Variants in CNTNAP2 observed in about 807,000 individuals in gnomAD.
CNTNAP2 encodes contactin associated protein 2, also known as contactin-associated protein-like 2.
In CNTNAP2, 98 loss-of-function variants were observed where a neutral mutation model predicts 155.2. The observed-to-expected ratio is 0.63, with a 90% confidence interval of 0.54 to 0.75. The LOEUF (loss-of-function observed/expected upper bound fraction) is 0.75. CNTNAP2 is among the 30% of genes least tolerant of loss of function. The probability of loss-of-function intolerance (pLI) is 0.00; values close to 1 mark genes in which losing one functional copy is unlikely to be tolerated. For synonymous variants in CNTNAP2, 651 were observed against 631.2 expected (o/e 1.03, Z -0.47); for missense variants, 1,727 against 1,688.1 (o/e 1.02, Z -0.40).
chr7:148,273,508 C>T (rs920125507), intron 21 of CNTNAP2, among the ~76,000 whole-genome samples: 3 of 152,140 alleles, frequency 2.0e-5, no homozygotes, highest in Admixed American at 6.5e-5. Flanking sequence ...TTTAATTAAT[C>T]GTTTTTCAAA....
intron 15 of CNTNAP2, among the ~76,000 whole-genome samples, chr7:148,029,932 A>G (rs1279982611): frequency 6.6e-6 from 1 of 152,180 alleles, no homozygotes; most frequent in African/African-American, 2.4e-5. Context: ...GAACAGGGAG[A>G]TGTTCTAAGT....
chr7:146,697,332 G>C (rs2129172567), intron 1 of CNTNAP2, among the ~76,000 whole-genome samples: 1 of 152,006 alleles, frequency 6.6e-6, no homozygotes, highest in South Asian at 2.1e-4. Flanking sequence ...CTGTCTCCTG[G>C]GCTCAAACAA....
At chr7:146,400,503 C>T (rs1277762036) in intron 1 of CNTNAP2, among the ~76,000 whole-genome samples, 2 of 152,242 alleles carry the variant, frequency 1.3e-5, no homozygotes, top group African/African-American at 2.4e-5. Flanking sequence ...AAGGCTGTCA[C>T]ATAACTAGAC....
At chr7:146,860,704 A>G (rs949209664) in intron 3 of CNTNAP2, among the ~76,000 whole-genome samples, 1 of 152,156 alleles carries the variant, frequency 6.6e-6, no homozygotes, top group African/African-American at 2.4e-5. Context: ...ATCTACATTC[A>G]TTTAAAGTAT....
chr7:146,881,990 G>A (rs891883247), intron 3 of CNTNAP2, among the ~76,000 whole-genome samples: 1 of 151,832 alleles, frequency 6.6e-6, no homozygotes, highest in African/African-American at 2.4e-5. Context: ...CTGGTCTCTA[G>A]TGTCTGTTGT....
intron 1 of CNTNAP2, among the ~76,000 whole-genome samples, chr7:146,524,518 T>C (rs1162775281): frequency 3.3e-5 from 5 of 152,160 alleles, no homozygotes; most frequent in Non-Finnish European, 4.4e-5. Flanking sequence ...TTGACCACGA[T>C]TGTATCTGAT....
At chr7:147,983,704 G>C (rs1338505570) in intron 15 of CNTNAP2, among the ~76,000 whole-genome samples, 1 of 152,218 alleles carries the variant, frequency 6.6e-6, no homozygotes, top group African/African-American at 2.4e-5. Context: ...AAATGTTCTG[G>C]TTGGAGATTG....
At chr7:146,431,482 T>A (rs1796171770) in intron 1 of CNTNAP2, among the ~76,000 whole-genome samples, 1 of 152,104 alleles carries the variant, frequency 6.6e-6, no homozygotes, top group African/African-American at 2.4e-5. Flanking sequence ...TTGCTTTAGT[T>A]ATTCTTCATA....
intron 21 of CNTNAP2, among the ~76,000 whole-genome samples, chr7:148,379,927 C>T (rs893637135): frequency 3.8e-4 from 58 of 152,160 alleles, no homozygotes; most frequent in African/African-American, 1.3e-3. Flanking sequence ...GAACAAGGAG[C>T]GGGAAAGCAT....
At chr7:148,052,417 A>G (rs4726918) in intron 15 of CNTNAP2, among the ~76,000 whole-genome samples, 94,048 of 149,958 alleles carry the variant, frequency 0.63, 29,948 homozygotes, top group East Asian at 0.85. Flanking sequence ...AAGTGTTTCC[A>G]ATCAAAGAAA....
At position 147,665,855 on chromosome 7, in the gene CNTNAP2, C is replaced by A. The variant is rs189232307; in HGVS notation, c.2098+26549C>A. ...CATGGTGTATATGTACCACATTTTC[C>A]TTAGTCAGTCTATTATTGATGGGCA... is the stretch of plus-strand genomic sequence containing the variant. On this transcript the variant is annotated intron_variant, in intron 13 of 23. Transcript: ENST00000361727. 2.2e-3 allele frequency among the ~76,000 whole-genome samples: 336 copies of A among 152,206 alleles called. 1 individual carries two copies. Among genetic ancestry groups the A allele is most frequent in the African/African-American group, 7.7e-3 (319 of 41,520 alleles).
At chr7:147,784,711 A>T (rs1015934285) in intron 13 of CNTNAP2, among the ~76,000 whole-genome samples, 2 of 150,402 alleles carry the variant, frequency 1.3e-5, no homozygotes, top group African/African-American at 4.9e-5. Context: ...GTGTTTTTTT[A>T]TATATATAAA....
At chr7:148,329,150 A>C (rs1021100305) in intron 21 of CNTNAP2, among the ~76,000 whole-genome samples, 1 of 152,100 alleles carries the variant, frequency 6.6e-6, no homozygotes, top group Non-Finnish European at 1.5e-5. Flanking sequence ...AGGACCACAG[A>C]TTCTGTCTGA....
chr7:147,380,532 G>C (rs1796517657), intron 9 of CNTNAP2, among the ~76,000 whole-genome samples: 2 of 151,876 alleles, frequency 1.3e-5, no homozygotes, highest in African/African-American at 4.8e-5. Flanking sequence ...GCAGTCACAG[G>C]CTCCTATTTT....
intron 10 of CNTNAP2, among the ~76,000 whole-genome samples, chr7:147,428,333 T>C (rs1797413964): frequency 1.3e-5 from 2 of 152,178 alleles, no homozygotes; most frequent in South Asian, 4.1e-4. Context: ...TTTTTTCAGT[T>C]AGTAATAAAA....
intron 8 of CNTNAP2, among the ~76,000 whole-genome samples, chr7:147,233,589 A>G (rs976286892): frequency 2.6e-5 from 4 of 152,002 alleles, no homozygotes; most frequent in Non-Finnish European, 5.9e-5. Context: ...AAAGCAAAAA[A>G]AAAAAAATGC....
chr7:146,979,405 A>T (rs1345733092), intron 3 of CNTNAP2, among the ~76,000 whole-genome samples: 1 of 152,168 alleles, frequency 6.6e-6, no homozygotes, highest in Non-Finnish European at 1.5e-5. Context: ...CTTATTATCC[A>T]GATCGCATCT....
chr7:146,746,871 A>T (rs1801817485), intron 1 of CNTNAP2, among the ~76,000 whole-genome samples: 1 of 152,150 alleles, frequency 6.6e-6, no homozygotes, highest in Non-Finnish European at 1.5e-5. Flanking sequence ...ATTATCCCAG[A>T]TGTTTTTGCT....
chr7:147,693,693 C>A (rs1424906046), intron 13 of CNTNAP2, among the ~76,000 whole-genome samples: 1 of 151,738 alleles, frequency 6.6e-6, no homozygotes, highest in East Asian at 1.9e-4. Flanking sequence ...TATCTTGCAA[C>A]CTTACTACAA....
Sources: allele counts gnomAD v4.1 joint callset (sites outside exome capture counted in the v4.1 genomes callset), GRCh38; gene constraint gnomAD v4.1.1; transcripts MANE v1.5; gene names NCBI Gene and HGNC (gene_info 2026-07-23, HGNC 2026-07-21).